The following SUPT16H variants were observed in gnomAD, a reference collection of about 807,000 sequenced individuals.
SUPT16H encodes the protein FACT complex subunit SPT16.
A neutral mutation model predicts 136.2 loss-of-function variants in SUPT16H; 24 were observed. The ratio of observed to expected loss-of-function variants is 0.18; its 90% CI spans 0.13 to 0.25. SUPT16H has a LOEUF of 0.25. Ranked by LOEUF, SUPT16H falls within the 10% of genes least tolerant of loss-of-function variation. The pLI is 1.00. For missense variants in SUPT16H, 623 were observed against 1,270.2 expected (o/e 0.49, Z 7.74); for synonymous variants, 415 against 428.2 (o/e 0.97, Z 0.38).
In SUPT16H at chr14:21,352,522, A is replaced by T; in HGVS notation, c.*151T>A. The T allele has an allele frequency of 8.0e-7, 1 of 1,243,790 alleles. No homozygotes were observed. 77.0% of individuals were successfully genotyped at this position (1,243,790 alleles called of 1,614,324 possible). On this transcript the variant is annotated 3_prime_UTR_variant, in exon 26 of 26. Coordinates refer to ENST00000216297, the MANE Select transcript of SUPT16H (RefSeq NM_007192.4). ...CTGGTGGGCCTGGAATTCCCCGAGT[A>T]GATTGGTCCACACAAATGGCCCCCT...
intron 1 of SUPT16H, 89 bp from the exon 2 acceptor site, chr14:21,373,519 T>A: frequency 2.0e-6 from 2 of 979,406 alleles, no homozygotes; most frequent in Middle Eastern, 2.1e-4. Flanking sequence ...AGGCATAATT[T>A]TCTCCTGATA....
intron 24 of SUPT16H, 42 bp downstream of exon 24, chr14:21,353,661 T>G: frequency 6.2e-7 from 1 of 1,605,610 alleles, no homozygotes; most frequent in Non-Finnish European, 8.5e-7. Context: ...GAAATGACAT[T>G]AGATTAGGAA....
chr14:21,358,448 A>G lies in SUPT16H; in HGVS notation c.2302-21T>C, dbSNP rs765749076. 18 of 1,531,834 alleles carry G rather than the reference A, an allele frequency of 1.2e-5. No individual in the cohort carries two copies. In the South Asian group the frequency reaches 2.0e-4, roughly 17 times the overall value. The allele number at this position is 1,531,834 out of a possible 1,614,324, so 94.9% of individuals were successfully genotyped here. The stretch of plus-strand genomic sequence containing the variant: ...TCCATCTGTAGAAGAAAAAAATATC[A>G]AATACAGCCATCACATTTGTTAACA... On this transcript the variant is annotated intron_variant, in intron 19 of 25. Coordinates refer to ENST00000216297, the MANE Select transcript of SUPT16H (RefSeq NM_007192.4).
At position 21,352,712 on chromosome 14, in the gene SUPT16H, G is replaced by A. The variant is rs1199270017; in HGVS notation, c.3105C>T (p.Ser1035=). ...HSSGRGSNRG[S]RHSSAPPKKK... is the part of the protein sequence containing the mutation. ...TCTTGGGGGGTGCAGAGCTGTGTCT[G>A]GAACCACGGTTAGAGCCACGGCCCG... The change falls in exon 26 of 26, where the codon TCC becomes TCT. Residue 1035 remains serine (S), a synonymous_variant. Coordinates refer to ENST00000216297, the MANE Select transcript of SUPT16H (RefSeq NM_007192.4). 1.2e-6 allele frequency: 2 copies of A among 1,614,108 alleles called. No individual in the cohort carries two copies. The highest frequency in any genetic ancestry group is 2.2e-5 in the South Asian group (2 of 91,074).
At chr14:21,367,602 C>T (rs113917535) in intron 7 of SUPT16H, among the ~76,000 whole-genome samples, 41 of 152,266 alleles carry the variant, frequency 2.7e-4, no homozygotes, top group African/African-American at 3.6e-4. Flanking sequence ...CAGTATCCTT[C>T]GTATCGTTTT....
intron 15 of SUPT16H, 92 bp from the exon 16 acceptor site, chr14:21,361,305 A>G (rs1163340829): frequency 1.9e-6 from 2 of 1,068,746 alleles, no homozygotes; most frequent in Non-Finnish European, 2.6e-6. Context: ...CTTAATCTCT[A>G]CTTTGCTTTT....
chr14:21,362,088 G>A (rs1886568826), intron 15 of SUPT16H, 109 bp downstream of exon 15: 1 of 1,340,028 alleles, frequency 7.5e-7, no homozygotes, highest in South Asian at 1.6e-5. Flanking sequence ...CAATGAGGAA[G>A]GCTTTGACAT....
Position 21,369,193 on chromosome 14 carries a change from C to T in SUPT16H, c.782+11G>A, listed in dbSNP as rs1886735904. 1.2e-6 allele frequency: 2 copies of T among 1,612,104 alleles called. No homozygotes were observed. Among genetic ancestry groups the T allele is most frequent in the Non-Finnish European group, 1.7e-6 (2 of 1,179,526 alleles). On this transcript the variant is annotated intron_variant, in intron 6 of 25. Transcript: ENST00000216297. ...TCAAAATGCTATATTATGAAGTCTT[C>T]ATATACTTACCTCACCACACTGAAC...
Position 21,354,473 on chromosome 14 carries a change from C to T in SUPT16H, c.2728G>A (p.Val910Ile). Residue 910 changes from valine to isoleucine, a missense_variant, in exon 23 of 26, where the codon GTT becomes ATT. Coordinates refer to ENST00000216297, the MANE Select transcript of SUPT16H (RefSeq NM_007192.4). The part of the protein sequence containing the change: ...LNWTKIMKTI[V>I]DDPEGFFEQG... Reference sequence around the variant, plus strand: ...TCGAAGAAGCCCTCAGGGTCATCAACAATGGTCTTCATGATTTTAGTCCAG... The same window carrying T: ...TCGAAGAAGCCCTCAGGGTCATCAATAATGGTCTTCATGATTTTAGTCCAG... The T allele has an allele frequency of 6.2e-7, 1 of 1,614,230 alleles. No individual in the cohort carries two copies. Among genetic ancestry groups the T allele is most frequent in the South Asian group, 1.1e-5 (1 of 91,090 alleles).
chr14:21,362,035 C>T (rs547350579), intron 15 of SUPT16H, among the ~76,000 whole-genome samples, 162 bp downstream of exon 15: 12 of 152,218 alleles, frequency 7.9e-5, no homozygotes, highest in African/African-American at 2.9e-4. Context: ...GGGATCCATC[C>T]TGAAAATAGT....
chr14:21,383,415 T>A (rs1197994203), intron 1 of SUPT16H: 1 of 501,198 alleles, frequency 2.0e-6, no homozygotes, highest in Middle Eastern at 5.2e-4. Context: ...AAAGCCCGAT[T>A]GACATCCTCC....
rs1298908755 is a variant in SUPT16H, at chr14:21,363,187, G to C, written c.1396-38C>G. 1.2e-6 allele frequency: 2 copies of C among 1,613,862 alleles called. 1 individual carries two copies. The highest frequency in any genetic ancestry group is 2.7e-5 in the African/African-American group (2 of 74,972). On this transcript the variant is annotated intron_variant, in intron 12 of 25. Transcript: ENST00000216297. ...AAATCCAATTTATCACAACACGTGA[G>C]CCATATGACAGCCGAGATCAATGTA...
intron 17 of SUPT16H, 76 bp downstream of exon 17, chr14:21,360,769 AT>A (rs1464035436): frequency 3.2e-6 from 5 of 1,547,916 alleles, no homozygotes; most frequent in Non-Finnish European, 4.4e-6. Context: ...TCTTTGTCAT[AT>A]TTTATTATCT....
At chr14:21,354,626 C>G in intron 22 of SUPT16H, 86 bp from the exon 23 acceptor site, 1 of 1,524,892 alleles carries the variant, frequency 6.6e-7, no homozygotes, top group Non-Finnish European at 8.8e-7. Flanking sequence ...GAGTCTTGCT[C>G]TGTTGCCCAG....
chr14:21,371,881 C>T lies in SUPT16H; in HGVS notation c.323G>A (p.Arg108Gln), dbSNP rs1459266554. 1.9e-6 allele frequency: 3 copies of T among 1,613,594 alleles called. No homozygotes were observed. The highest frequency in any genetic ancestry group is 1.3e-5 in the African/African-American group (1 of 74,894). ...NGAPAITLLIREKNESNKSSF... is the reference protein window; with the variant it reads ...NGAPAITLLIQEKNESNKSSF... The stretch of plus-strand genomic sequence containing the variant: ...TTCTTTATTAATCCTGACCTTTTCT[C>T]GTATTAGCAGTGTGATGGCAGGGGC... Residue 108 changes from arginine to glutamine, a missense_variant, in exon 3 of 26, where the codon CGA (arginine) becomes CAA (glutamine). Around this residue, in one of 7 missense-constraint regions of SUPT16H, gnomAD observed 343 missense variants for 525.7 expected, o/e 0.65. Coordinates refer to ENST00000216297, the MANE Select transcript of SUPT16H (RefSeq NM_007192.4).
intron 1 of SUPT16H, among the ~76,000 whole-genome samples, chr14:21,381,532 A>G (rs1387646585): frequency 1.3e-5 from 2 of 152,082 alleles, no homozygotes; most frequent in Non-Finnish European, 2.9e-5. Flanking sequence ...TGGAGCCCAA[A>G]TCATTTTTTA....
At chr14:21,371,547 A>T (rs1450081006) in intron 3 of SUPT16H, among the ~76,000 whole-genome samples, 1 of 152,262 alleles carries the variant, frequency 6.6e-6, no homozygotes, top group Non-Finnish European at 1.5e-5. Context: ...ACTGGAAATG[A>T]TGTATATCTA....
At chr14:21,376,614 G>A (rs1199464268) in intron 1 of SUPT16H, among the ~76,000 whole-genome samples, 1 of 152,044 alleles carries the variant, frequency 6.6e-6, no homozygotes, top group Non-Finnish European at 1.5e-5. Context: ...CTCACCAATA[G>A]TGAAATAGTA....
chr14:21,358,142 A>C (rs1044002964), intron 20 of SUPT16H, 140 bp from the exon 21 acceptor site: 2 of 842,794 alleles, frequency 2.4e-6, no homozygotes, highest in East Asian at 5.3e-5. Context: ...GCCTCTTAAG[A>C]GTTAGCCACT....
Sources: gnomAD v4.1 joint callset for allele counts (sites outside exome capture counted in the v4.1 genomes callset) on GRCh38, gnomAD v4.1.1 for gene constraint, gnomAD v4.1.1 regional missense constraint, MANE v1.5 for transcripts, NCBI Gene and HGNC (gene_info 2026-07-23, HGNC 2026-07-21) for gene names.